The following PRKAG3 variants were observed in gnomAD, a reference collection of about 807,000 sequenced individuals.
The protein encoded by PRKAG3 is 5'-AMP-activated protein kinase subunit gamma-3.
PRKAG3 carries 39 observed loss-of-function variants against 56.5 expected under a neutral mutation model. The ratio of observed to expected loss-of-function variants is 0.69; its 90% CI spans 0.53 to 0.90. The LOEUF (loss-of-function observed/expected upper bound fraction) is 0.90. PRKAG3 is among the 40% of genes least tolerant of loss of function. PRKAG3 has a pLI of 0.00. For synonymous variants in PRKAG3, 243 were observed against 250.1 expected, an observed-to-expected ratio of 0.97 and a Z score of 0.27; for missense variants, 628 against 627.5, an observed-to-expected ratio of 1.00 and a Z score of -0.01.
Position 218,827,674 on chromosome 2 carries a change from C to G in PRKAG3, c.821-45G>C. ...CAGGCCAGGGGAGCCGGTCACCTGCCTCACCTTGCAGTCCCAGGCAGCTTC... is the reference window on the plus strand; with the variant it reads ...CAGGCCAGGGGAGCCGGTCACCTGCGTCACCTTGCAGTCCCAGGCAGCTTC... On this transcript the variant is annotated intron_variant, in intron 7 of 12. Transcript: ENST00000529249. The surrounding 1 kb of genome is among the most constrained non-coding windows in gnomAD (Gnocchi z 5.3). The G allele has an allele frequency of 6.2e-7, 1 of 1,604,036 alleles. No individual in the cohort carries two copies. Among genetic ancestry groups the G allele is most frequent in the Non-Finnish European group, 8.5e-7 (1 of 1,171,034 alleles).
chr2:218,830,297 G>C (rs1455190315), exon 4 of PRKAG3: 2 of 1,613,342 alleles, frequency 1.2e-6, no homozygotes, highest in Admixed American at 3.3e-5. Flanking sequence ...GCCCACCCCG[G>C]CAGGATCAGC....
At chr2:218,829,494 G>T (rs1393453490) in intron 4 of PRKAG3, among the ~76,000 whole-genome samples, 5 of 150,246 alleles carry the variant, frequency 3.3e-5, no homozygotes, top group Non-Finnish European at 7.4e-5. Flanking sequence ...CTAATTTTTT[G>T]TATTTTTTTT....
exon 4 of PRKAG3, chr2:218,830,052 A>G: frequency 6.2e-7 from 1 of 1,614,048 alleles, no homozygotes; most frequent in Non-Finnish European, 8.5e-7. Context: ...TCCTGCATGA[A>G]GCGCATGTAG....
exon 13 of PRKAG3, chr2:218,823,498 TG>T: frequency 1.9e-6 from 1 of 525,310 alleles, no homozygotes; most frequent in Non-Finnish European, 3.3e-6. Context: ...TGGGACAAAG[TG>T]GGGACCTGTG....
At position 218,827,126 on chromosome 2, in the gene PRKAG3, G is replaced by A. The variant is rs1424038472; in HGVS notation, c.1003-33C>T. The A allele has an allele frequency of 6.2e-7, 1 of 1,612,772 alleles. No homozygotes were observed. Among genetic ancestry groups the A allele is most frequent in the Non-Finnish European group, 8.5e-7 (1 of 1,179,970 alleles). On this transcript the variant is annotated intron_variant, in intron 9 of 12. Transcript: ENST00000529249. The surrounding 1 kb of genome is among the most constrained non-coding windows in gnomAD (Gnocchi z 5.3). ...GGATGGGGACCAGGTGGAGATCAGG[G>A]ATCCAGCAGCTTCAAGAGGGCTCCC...
intron 10 of PRKAG3, among the ~76,000 whole-genome samples, chr2:218,825,471 C>T (rs1367828632): frequency 6.6e-6 from 1 of 151,990 alleles, no homozygotes; most frequent in Non-Finnish European, 1.5e-5. Context: ...GGTGAAACCT[C>T]ATCTCTACTA....
downstream of PRKAG3, chr2:218,823,167 T>C (rs1282567122): frequency 6.4e-6 from 4 of 626,924 alleles, no homozygotes; most frequent in Non-Finnish European, 8.0e-6. Flanking sequence ...GGTGAGTAGA[T>C]GGAATCTGTG....
chr2:218,825,509 G>A (rs115680563), intron 10 of PRKAG3, among the ~76,000 whole-genome samples: 5,202 of 151,812 alleles, frequency 0.034, 307 homozygotes, highest in African/African-American at 0.12. Context: ...TTAGCTGGGC[G>A]TGGTGTCATT....
At chr2:218,824,639 G>A (rs1943905572) in intron 10 of PRKAG3, 63 bp from the exon 11 acceptor site, 4 of 1,471,434 alleles carry the variant, frequency 2.7e-6, no homozygotes, top group African/African-American at 1.4e-5. Flanking sequence ...GGTCAGAACC[G>A]GGGTGCTGTG....
At chr2:218,830,285 G>A (rs766739902) in exon 4 of PRKAG3, 13 of 1,613,472 alleles carry the variant, frequency 8.1e-6, no homozygotes, top group South Asian at 2.2e-5. Flanking sequence ...TGTTGGTGGA[G>A]TGCCCACCCC....
chr2:218,826,418 G>A (rs934705038), intron 10 of PRKAG3, among the ~76,000 whole-genome samples: 4 of 152,070 alleles, frequency 2.6e-5, no homozygotes, highest in Non-Finnish European at 2.9e-5. Context: ...CTGGGGGCCC[G>A]AGGTCCCATG....
exon 13 of PRKAG3, chr2:218,823,606 A>G: frequency 6.7e-7 from 1 of 1,493,028 alleles, no homozygotes; most frequent in South Asian, 1.2e-5. Context: ...GAAATCAGGA[A>G]GACTAAGAGG....
chr2:218,831,339 G>C, exon 2 of PRKAG3: 1 of 1,598,170 alleles, frequency 6.3e-7, no homozygotes, highest in Non-Finnish European at 8.5e-7. Context: ...TCCCTACCTT[G>C]ATGCTCAGAA....
chr2:218,830,824 C>T (rs2105989853), exon 3 of PRKAG3: 1 of 1,613,718 alleles, frequency 6.2e-7, no homozygotes, highest in East Asian at 2.2e-5. Context: ...CTCCGTTTCC[C>T]ACGGATTCTT....
exon 4 of PRKAG3, chr2:218,830,361 C>A (rs1460696894): frequency 1.2e-6 from 2 of 1,608,412 alleles, no homozygotes; most frequent in South Asian, 2.2e-5. Context: ...GTGGACTCAG[C>A]AGCTGGCCTG....
chr2:218,831,349 AC>A lies in PRKAG3; in HGVS notation c.59del (p.Gly20ValfsTer7). 1 of 1,600,732 alleles carries A rather than the reference AC, an allele frequency of 6.2e-7. No homozygotes were observed. Among genetic ancestry groups the A allele is most frequent in the Non-Finnish European group, 8.5e-7 (1 of 1,173,044 alleles). ...CATTCTCCCTACCTTGATGCTCAGA[AC>A]CCCCAAGGCTGCTCCAGGAAGGGGT... is the stretch of plus-strand genomic sequence containing the variant. On this transcript the variant is annotated frameshift_variant, in exon 2 of 13. Coordinates refer to ENST00000529249, the Ensembl canonical transcript of PRKAG3. LOFTEE classifies it high-confidence loss of function.
downstream of PRKAG3, chr2:218,823,234 T>G: frequency 4.0e-6 from 1 of 252,620 alleles, no homozygotes; most frequent in South Asian, 8.6e-5. Flanking sequence ...TGAGATCATG[T>G]CACATTTCCT....
At chr2:218,830,927 G>A (rs1252269575) in intron 2 of PRKAG3, 26 bp from the exon 3 acceptor site, 13 of 1,610,510 alleles carry the variant, frequency 8.1e-6, no homozygotes, top group Non-Finnish European at 1.1e-5. Context: ...GGCCTGTTTG[G>A]TTAATAGGGA....
chr2:218,831,283 G>C, intron 2 of PRKAG3, 53 bp downstream of exon 2: 2 of 1,394,820 alleles, frequency 1.4e-6, no homozygotes, highest in Non-Finnish European at 2.0e-6. Context: ...AAAAGTGGGG[G>C]ACAAGGAGGT....
Sources: gnomAD v4.1 joint callset for allele counts (sites outside exome capture counted in the v4.1 genomes callset) on GRCh38, gnomAD v4.1.1 for gene constraint, Gnocchi (gnomAD v3.1) non-coding constraint, MANE v1.5 for transcripts, NCBI Gene and HGNC (gene_info 2026-07-23, HGNC 2026-07-21) for gene names.